The following NINL variants were observed in gnomAD, a reference collection of about 807,000 sequenced individuals.
NINL encodes ninein-like protein.
In NINL, 153 loss-of-function variants were observed where a neutral mutation model predicts 160.3. The ratio of observed to expected loss-of-function variants is 0.95; its 90% CI spans 0.84 to 1.09. The LOEUF is 1.09. Ranked by LOEUF, NINL falls within the 50% of genes least tolerant of loss-of-function variation. The probability of loss-of-function intolerance (pLI) is 0.00; values close to 1 mark genes in which losing one functional copy is unlikely to be tolerated. For synonymous variants in NINL, 800 were observed against 734.8 expected (o/e 1.09, Z -1.43); for missense variants, 1,829 against 1,764.0 (o/e 1.04, Z -0.66).
chr20:25,473,578 C>T (rs1466091609), intron 17 of NINL, among the ~76,000 whole-genome samples: 1 of 151,832 alleles, frequency 6.6e-6, no homozygotes, highest in African/African-American at 2.4e-5. Context: ...AATCCCAGCA[C>T]TTTGTGAGGA....
chr20:25,496,264 T>A (rs1424898438), intron 10 of NINL, among the ~76,000 whole-genome samples: 1 of 152,206 alleles, frequency 6.6e-6, no homozygotes, highest in Non-Finnish European at 1.5e-5. Flanking sequence ...TGGAGTTGGG[T>A]TCCTTCTCTG....
intron 18 of NINL, among the ~76,000 whole-genome samples, chr20:25,469,345 C>G (rs1306935027): frequency 7.3e-6 from 1 of 136,134 alleles, no homozygotes; most frequent in African/African-American, 2.8e-5. Flanking sequence ...TGCCCTGTCC[C>G]CCGACTTTCA....
chr20:25,454,429 G>C (rs903219842), intron 23 of NINL, among the ~76,000 whole-genome samples: 15 of 152,134 alleles, frequency 9.9e-5, no homozygotes, highest in African/African-American at 3.6e-4. Flanking sequence ...TTGCTGGCGA[G>C]ACGGGCAACT....
chr20:25,577,803 A>G (rs1282240970), intron 1 of NINL, among the ~76,000 whole-genome samples: 1 of 143,072 alleles, frequency 7.0e-6, no homozygotes, highest in South Asian at 2.2e-4. Flanking sequence ...CCAGGAACAG[A>G]CTCATTTTTC....
intron 1 of NINL, among the ~76,000 whole-genome samples, chr20:25,539,640 C>A (rs568240256): frequency 6.8e-4 from 103 of 152,286 alleles, no homozygotes; most frequent in Non-Finnish European, 1.3e-3. Context: ...TCCAGAGGCG[C>A]CTAGCTGCAA....
At chr20:25,497,907 C>T (rs530429985) in intron 9 of NINL, among the ~76,000 whole-genome samples, 8 of 152,220 alleles carry the variant, frequency 5.3e-5, no homozygotes, top group African/African-American at 1.2e-4. Context: ...GGAAAGCCAG[C>T]GAGCCTTAAA....
intron 19 of NINL, 131 bp from the exon 20 acceptor site, chr20:25,462,672 C>T (rs1206833288): frequency 6.7e-6 from 3 of 451,068 alleles, no homozygotes; most frequent in Non-Finnish European, 1.0e-5. Context: ...TTTTGTTTTT[C>T]AAGACAGGCT....
intron 1 of NINL, among the ~76,000 whole-genome samples, chr20:25,544,564 T>C (rs1278624946): frequency 6.6e-6 from 1 of 152,186 alleles, no homozygotes; most frequent in Non-Finnish European, 1.5e-5. Context: ...TCAGAGGCCA[T>C]GTTCAGTCCC....
chr20:25,490,273 G>A (rs2063597770), intron 11 of NINL, among the ~76,000 whole-genome samples: 2 of 152,216 alleles, frequency 1.3e-5, no homozygotes, highest in South Asian at 4.1e-4. Context: ...ACGAGAAAGG[G>A]TGGAGAGCCG....
chr20:25,571,834 C>A (rs1357761094), intron 1 of NINL, among the ~76,000 whole-genome samples: 1 of 141,132 alleles, frequency 7.1e-6, no homozygotes, highest in African/African-American at 2.7e-5. Flanking sequence ...CACCACTGCA[C>A]TCCAGCCTGG....
chr20:25,507,090 C>A (rs1309346626), intron 5 of NINL, among the ~76,000 whole-genome samples: 1 of 152,148 alleles, frequency 6.6e-6, no homozygotes, highest in Non-Finnish European at 1.5e-5. Flanking sequence ...TCCCCATAGC[C>A]CATGCCTTTT....
At chr20:25,513,179 C>T (rs962367969) in intron 3 of NINL, among the ~76,000 whole-genome samples, 173 bp from the exon 4 acceptor site, 2 of 152,124 alleles carry the variant, frequency 1.3e-5, no homozygotes, top group African/African-American at 4.8e-5. Flanking sequence ...TGAACAATGG[C>T]AATTCTATGA....
intron 1 of NINL, among the ~76,000 whole-genome samples, chr20:25,565,742 G>A (rs1263755197): frequency 6.6e-6 from 1 of 152,192 alleles, no homozygotes; most frequent in East Asian, 1.9e-4. Flanking sequence ...GGGAGTCTGA[G>A]TGGACTAGGT....
At position 25,476,130 on chromosome 20, in the gene NINL, T is replaced by C. The variant is rs774889630; in HGVS notation, c.3161A>G (p.Glu1054Gly). 45 of 1,614,030 alleles carry C rather than the reference T, an allele frequency of 2.8e-5. No individual in the cohort carries two copies. Among genetic ancestry groups the C allele is most frequent in the Non-Finnish European group, 3.6e-5 (43 of 1,180,010 alleles). ...EGETKIALER[E>G]KDDMETKLLH... The stretch of plus-strand genomic sequence containing the variant: ...AAGTTTGGTTTCCATGTCATCCTTC[T>C]CTCTCTCCAGCGCTATTTTGGTCTC... Residue 1054 changes from glutamate to glycine, a missense_variant, in exon 17 of 24, where the codon GAG becomes GGG. Coordinates refer to ENST00000278886, the MANE Select transcript of NINL (RefSeq NM_025176.6).
chr20:25,549,710 G>A (rs1007186973), intron 1 of NINL, among the ~76,000 whole-genome samples: 11 of 152,200 alleles, frequency 7.2e-5, no homozygotes, highest in African/African-American at 2.4e-4. Flanking sequence ...GTGTCAGCAC[G>A]GAAAGCCCAC....
chr20:25,461,536 C>T lies in NINL; in HGVS notation c.3682G>A (p.Glu1228Lys), dbSNP rs748185872. Residue 1228 changes from glutamate (E) to lysine (K), a missense_variant, in exon 21 of 24, where the codon GAA (glutamate) becomes AAA (lysine). By Grantham distance (56) the Glu-to-Lys change is moderately conservative (BLOSUM62 1). Coordinates refer to ENST00000278886, the MANE Select transcript of NINL (RefSeq NM_025176.6). ...CTCACACCCACCTGGTCTTGACTTT[C>T]CTCAAGGGTCTGGGTCAGCTCTGAC... ...PWSELTQTLE[E>K]SQDQVQGAHL... The T allele has an allele frequency of 1.3e-6, 2 of 1,573,790 alleles. No individual in the cohort carries two copies. Among genetic ancestry groups the T allele is most frequent in the Admixed American group, 3.9e-5 (2 of 50,948 alleles).
chr20:25,483,512 A>C (rs2063442281), intron 13 of NINL, among the ~76,000 whole-genome samples: 1 of 152,294 alleles, frequency 6.6e-6, no homozygotes, highest in Non-Finnish European at 1.5e-5. Context: ...TGCAGCTTTA[A>C]CTACCAAAGA....
In NINL at chr20:25,574,453, G is replaced by A. The variant is rs117119298; in HGVS notation, c.-12+11002C>T. Among the ~76,000 whole-genome samples, 46 of 152,068 alleles carry A rather than the reference G, an allele frequency of 3.0e-4. 1 individual carries two copies. In the East Asian group the frequency reaches 7.9e-3, roughly 26 times the overall value. ...GGAGATGTGAAGACCCAAAGAACAA[G>A]TACACAGTGACACATGGCTATCAGA... On this transcript the variant is annotated intron_variant, in intron 1 of 23. Transcript: ENST00000278886.
rs970746949 is a variant in NINL at position 25,469,484 on chromosome 20, T to C, written c.3353+507A>G. Among the ~76,000 whole-genome samples the C allele has an allele frequency of 2.0e-5, 3 of 149,306 alleles. No individual in the cohort carries two copies. In the South Asian group the frequency reaches 6.4e-4, roughly 32 times the overall value. On this transcript the variant is annotated intron_variant, in intron 18 of 23. Transcript: ENST00000278886. Reference sequence around the variant, plus strand: ...CTGGTGCCCCCACCCCCATCCTCTCTTGCCTCAGTGCTCAGGTTCCTGACC... The same window carrying C: ...CTGGTGCCCCCACCCCCATCCTCTCCTGCCTCAGTGCTCAGGTTCCTGACC...
Sources: allele counts gnomAD v4.1 joint callset (sites outside exome capture counted in the v4.1 genomes callset), GRCh38; gene constraint gnomAD v4.1.1; transcripts MANE v1.5; gene names NCBI Gene and HGNC (gene_info 2026-07-23, HGNC 2026-07-21).